The following SNX25 variants were observed in gnomAD, a reference collection of about 807,000 sequenced individuals.
The protein encoded by SNX25 is sorting nexin 25.
Under a neutral mutation model 113.7 loss-of-function variants are expected in SNX25, and 62 were observed. That is an observed-to-expected ratio of 0.55 (90% CI 0.44 to 0.67). SNX25 has a LOEUF of 0.67. Ranked by LOEUF, SNX25 falls within the 30% of genes least tolerant of loss-of-function variation. The pLI is 0.00. For missense variants in SNX25, 1,014 were observed against 1,161.0 expected, an observed-to-expected ratio of 0.87 and a Z score of 1.84; for synonymous variants, 421 against 436.2, an observed-to-expected ratio of 0.97 and a Z score of 0.43.
intron 1 of SNX25, among the ~76,000 whole-genome samples, chr4:185,243,764 A>C (rs1485976660): frequency 6.6e-6 from 1 of 152,244 alleles, no homozygotes; most frequent in Non-Finnish European, 1.5e-5. Flanking sequence ...TGCATGTTAC[A>C]TGTAAGTATG....
At chr4:185,348,982 T>G (rs1000401598) in intron 13 of SNX25, among the ~76,000 whole-genome samples, 1 of 152,194 alleles carries the variant, frequency 6.6e-6, no homozygotes, top group African/African-American at 2.4e-5. Context: ...CCTAGTCTGT[T>G]TCACTCAACT....
intron 6 of SNX25, among the ~76,000 whole-genome samples, chr4:185,301,225 G>A (rs573918835): frequency 1.3e-5 from 2 of 149,578 alleles, no homozygotes; most frequent in South Asian, 4.1e-4. Context: ...AGTTGTCTTC[G>A]GTCATGCCTA....
At chr4:185,313,909 G>A (rs2095050091) in intron 7 of SNX25, among the ~76,000 whole-genome samples, 1 of 152,126 alleles carries the variant, frequency 6.6e-6, no homozygotes, top group Admixed American at 6.5e-5. Context: ...AAAGACAAAT[G>A]AAAATGTTAC....
chr4:185,298,876 G>A (rs1753226664), intron 6 of SNX25, among the ~76,000 whole-genome samples: 2 of 152,156 alleles, frequency 1.3e-5, no homozygotes, highest in Non-Finnish European at 2.9e-5. Context: ...AGTGCTGTTA[G>A]ATCCGTCATG....
chr4:185,291,441 A>G (rs1313860382), intron 6 of SNX25, among the ~76,000 whole-genome samples: 1 of 152,340 alleles, frequency 6.6e-6, no homozygotes. Flanking sequence ...TGTACCTCAT[A>G]TAAGTAGAAT....
At chr4:185,341,100 C>T (rs1369017860) in intron 11 of SNX25, among the ~76,000 whole-genome samples, 3 of 152,222 alleles carry the variant, frequency 2.0e-5, no homozygotes, top group Non-Finnish European at 4.4e-5. Flanking sequence ...CCTTCTCTCT[C>T]ATTCAATTTA....
rs1265787162 is a variant in SNX25, at chr4:185,264,489, A to G, written c.783A>G (p.Ser261=). The stretch of plus-strand genomic sequence containing the variant: ...TGTTGCACGCATGCTTGAGGAACTC[A>G]GATGATGAAGTAAGATTTCTACAAA... ...PFVLHACLRN[S]DDEVRFLQTC... is the part of the protein sequence containing the mutation. Residue 261 remains serine, a synonymous_variant, in exon 4 of 19, where the codon TCA becomes TCG. Transcript: ENST00000652585. 4.3e-6 allele frequency: 7 copies of G among 1,613,806 alleles called. No individual in the cohort carries two copies. The highest frequency in any genetic ancestry group is 1.3e-5 in the African/African-American group (1 of 74,924).
chr4:185,257,104 A>G (rs972088535), intron 2 of SNX25, among the ~76,000 whole-genome samples: 49 of 151,994 alleles, frequency 3.2e-4, no homozygotes, highest in African/African-American at 1.2e-3. Flanking sequence ...CAAGCAAAGA[A>G]AAGCAGGAGG....
intron 6 of SNX25, among the ~76,000 whole-genome samples, chr4:185,289,494 T>C (rs1452566058): frequency 6.6e-6 from 1 of 152,026 alleles, no homozygotes; most frequent in African/African-American, 2.4e-5. Context: ...AGAAACTTGA[T>C]GGGGCTGAAG....
chr4:185,242,982 A>G (rs1160016347), intron 1 of SNX25, among the ~76,000 whole-genome samples: 1 of 152,148 alleles, frequency 6.6e-6, no homozygotes, highest in Non-Finnish European at 1.5e-5. Flanking sequence ...CAGATTCTCC[A>G]TCAGGCTATG....
intron 5 of SNX25, among the ~76,000 whole-genome samples, chr4:185,281,586 A>G (rs992018936): frequency 2.6e-5 from 4 of 152,272 alleles, no homozygotes; most frequent in Non-Finnish European, 5.9e-5. Context: ...AGTCCCTTTT[A>G]GTAGTGCCAT....
chr4:185,205,479 C>T (rs934039128), upstream of SNX25, among the ~76,000 whole-genome samples: 3 of 151,818 alleles, frequency 2.0e-5, no homozygotes, highest in African/African-American at 7.3e-5. Flanking sequence ...AAGAATTTCA[C>T]TTTCTTTTAA....
chr4:185,222,089 C>T lies in SNX25; in HGVS notation c.429+11834C>T, dbSNP rs551178467. 4.1e-3 allele frequency among the ~76,000 whole-genome samples: 83 copies of T among 20,212 alleles called. 2 individuals carry two copies. The highest frequency in any genetic ancestry group is 0.011 in the African/African-American group (78 of 7,180). 13.3% of individuals were successfully genotyped at this position (20,212 alleles called of 152,430 possible). A position where few individuals can be genotyped will look rare whatever the true frequency, so the allele number is the denominator to read the frequency against. On this transcript the variant is annotated intron_variant, in intron 1 of 18. Transcript: ENST00000652585. Reference sequence around the variant, plus strand: ...CATGGTAGGTATATAGCGCCATATACCCCTCCTTCACGGTAGATATATAGC... The same window carrying T: ...CATGGTAGGTATATAGCGCCATATATCCCTCCTTCACGGTAGATATATAGC...
intron 1 of SNX25, among the ~76,000 whole-genome samples, chr4:185,226,579 T>G (rs113495197): frequency 0.13 from 19,652 of 152,132 alleles, 1,379 homozygotes; most frequent in African/African-American, 0.16. Flanking sequence ...ACCTCCTGAG[T>G]AGATAGGATT....
At position 185,323,567 on chromosome 4, in the gene SNX25, T is replaced by C. The variant is rs1461367471; in HGVS notation, c.1516T>C (p.Phe506Leu). ...PQLVGEIYQN[F>L]FVESKEISVE... is the part of the protein sequence containing the mutation. ...ATTAGTTGGTGAAATTTATCAGAAT[T>C]TCTTTGTGGAGAGCAAAGAAATATC... Residue 506 changes from phenylalanine (F) to leucine (L), a missense_variant, in exon 9 of 19, where the codon TTC (phenylalanine) becomes CTC (leucine). Transcript: ENST00000652585. 6.2e-7 allele frequency: 1 copy of C among 1,611,782 alleles called. No homozygotes were observed. Among genetic ancestry groups the C allele is most frequent in the East Asian group, 2.2e-5 (1 of 44,758 alleles).
chr4:185,357,908 A>G (rs890690993), intron 16 of SNX25, among the ~76,000 whole-genome samples, 171 bp downstream of exon 16: 7 of 152,292 alleles, frequency 4.6e-5, no homozygotes, highest in African/African-American at 1.7e-4. Flanking sequence ...TTCTAAAAGA[A>G]TTTCTCCCAC....
chr4:185,336,272 C>T (rs2095229324), intron 10 of SNX25, among the ~76,000 whole-genome samples: 2 of 152,128 alleles, frequency 1.3e-5, no homozygotes, highest in Non-Finnish European at 2.9e-5. Flanking sequence ...ATACCTATCA[C>T]CCAAGCAGTG....
At chr4:185,237,577 G>C (rs900103166) in intron 1 of SNX25, among the ~76,000 whole-genome samples, 1 of 152,020 alleles carries the variant, frequency 6.6e-6, no homozygotes, top group African/African-American at 2.4e-5. Flanking sequence ...AGTTGTATTT[G>C]TGATACTGTC....
At chr4:185,231,743 G>A (rs116291042) in intron 1 of SNX25, among the ~76,000 whole-genome samples, 1 of 150,920 alleles carries the variant, frequency 6.6e-6, no homozygotes, top group Non-Finnish European at 1.5e-5. Flanking sequence ...TTTATTCTTT[G>A]AATGTCAACA....
Sources: allele counts gnomAD v4.1 joint callset (sites outside exome capture counted in the v4.1 genomes callset), GRCh38; gene constraint gnomAD v4.1.1; transcripts MANE v1.5; gene names NCBI Gene and HGNC (gene_info 2026-07-23, HGNC 2026-07-21).